The following TENM2 variants were observed in gnomAD, a reference collection of about 807,000 sequenced individuals.
The protein encoded by TENM2 is teneurin transmembrane protein 2.
A neutral mutation model predicts 245.2 loss-of-function variants in TENM2; 52 were observed. That is an observed-to-expected ratio of 0.21 (90% confidence interval 0.17 to 0.27). The LOEUF is 0.27. TENM2 is among the 10% of genes least tolerant of loss of function. TENM2 has a pLI of 1.00. For synonymous variants in TENM2, 1,363 were observed against 1,438.9 expected (o/e 0.95, Z 1.19); for missense variants, 3,046 against 3,666.8 (o/e 0.83, Z 4.37).
chr5:167,018,039 T>C, the TENM2 span, among the ~76,000 whole-genome samples: 1 of 152,298 alleles, frequency 6.6e-6, no homozygotes, highest in South Asian at 2.1e-4. Context: ...AAAATAACAT[T>C]GAATAGTCCT....
the TENM2 span, among the ~76,000 whole-genome samples, chr5:167,024,990 T>TC: frequency 1.3e-5 from 2 of 152,126 alleles, no homozygotes; most frequent in Admixed American, 6.6e-5. Context: ...AGTGCTCAAG[T>TC]CCCACCCCCA....
intron 2 of TENM2, among the ~76,000 whole-genome samples, chr5:167,693,063 C>G (rs536007715): frequency 2.0e-5 from 3 of 152,310 alleles, no homozygotes; most frequent in East Asian, 3.9e-4. Context: ...TTGCGAGAGC[C>G]TCGTATGTTT....
At chr5:167,313,248 T>C (rs1448065006) in intron 1 of TENM2, among the ~76,000 whole-genome samples, 2 of 152,160 alleles carry the variant, frequency 1.3e-5, no homozygotes, top group African/African-American at 4.8e-5. Flanking sequence ...GGCATCTATG[T>C]TCTTCAGACC....
intron 1 of TENM2, among the ~76,000 whole-genome samples, chr5:167,288,522 G>A (rs1055046304): frequency 4.1e-5 from 6 of 147,058 alleles, no homozygotes; most frequent in Non-Finnish European, 5.9e-5. Flanking sequence ...TCGCGCCACT[G>A]CACTCCAGCC....
intron 2 of TENM2, among the ~76,000 whole-genome samples, chr5:167,506,386 A>T (rs896734035): frequency 6.6e-6 from 1 of 152,216 alleles, no homozygotes; most frequent in East Asian, 1.9e-4. Context: ...TAACAGGGAG[A>T]TAACTGCTTT....
chr5:167,958,989 T>C (rs947617062), intron 4 of TENM2, among the ~76,000 whole-genome samples: 8 of 152,146 alleles, frequency 5.3e-5, no homozygotes, highest in Non-Finnish European at 4.4e-5. Flanking sequence ...AGTATCTTTT[T>C]GGTGTTTTCT....
intron 2 of TENM2, among the ~76,000 whole-genome samples, chr5:167,834,506 G>T (rs1768791101): frequency 6.6e-6 from 1 of 152,132 alleles, no homozygotes; most frequent in Non-Finnish European, 1.5e-5. Context: ...GATTTCATGT[G>T]CTTAAATATC....
the TENM2 span, among the ~76,000 whole-genome samples, chr5:167,220,071 G>T: frequency 5.1e-4 from 77 of 152,284 alleles, no homozygotes; most frequent in African/African-American, 1.7e-3. Context: ...AATGGACCAG[G>T]CCTCCGCAGT....
At chr5:168,118,089 G>A (rs142881656) in intron 9 of TENM2, among the ~76,000 whole-genome samples, 52 of 152,342 alleles carry the variant, frequency 3.4e-4, no homozygotes, top group African/African-American at 1.2e-3. Flanking sequence ...CACATAACAA[G>A]CATTTAATTG....
At chr5:167,293,724 A>G (rs1055926306) in intron 1 of TENM2, among the ~76,000 whole-genome samples, 1 of 152,172 alleles carries the variant, frequency 6.6e-6, no homozygotes. Context: ...TTCTTCTGGA[A>G]TGTTGGACAT....
chr5:167,940,357 A>G (rs963645242), intron 3 of TENM2, among the ~76,000 whole-genome samples: 3 of 152,244 alleles, frequency 2.0e-5, no homozygotes, highest in African/African-American at 7.2e-5. Context: ...AGAATAAAAT[A>G]GCATCTTTGC....
At chr5:168,184,983 C>T (rs555082193) in intron 13 of TENM2, among the ~76,000 whole-genome samples, 23 of 152,314 alleles carry the variant, frequency 1.5e-4, no homozygotes, top group African/African-American at 5.3e-4. Flanking sequence ...TGGTCCTCTG[C>T]AGCCTACAAT....
At chr5:167,370,924 A>G (rs1760378059) in intron 1 of TENM2, among the ~76,000 whole-genome samples, 1 of 152,210 alleles carries the variant, frequency 6.6e-6, no homozygotes, top group Non-Finnish European at 1.5e-5. Flanking sequence ...TGAAAACATA[A>G]TTATGCGAGA....
chr5:167,126,833 T>C, the TENM2 span, among the ~76,000 whole-genome samples: 5 of 152,294 alleles, frequency 3.3e-5, no homozygotes, highest in African/African-American at 9.6e-5. Flanking sequence ...TCCTGGGATG[T>C]TGGGCTTACT....
the TENM2 span, among the ~76,000 whole-genome samples, chr5:167,009,861 T>C: frequency 2.0e-5 from 3 of 152,214 alleles, no homozygotes; most frequent in African/African-American, 7.2e-5. Context: ...TTGCTAGTAA[T>C]GTCAGCCAGA....
At chr5:166,987,893 A>C in the TENM2 span, among the ~76,000 whole-genome samples, 1 of 152,214 alleles carries the variant, frequency 6.6e-6, no homozygotes, top group African/African-American at 2.4e-5. Context: ...TGGATGAAAA[A>C]TGTTCTCTAA....
intron 27 of TENM2, among the ~76,000 whole-genome samples, chr5:168,256,676 C>T (rs1272855096): frequency 1.3e-5 from 2 of 152,154 alleles, no homozygotes; most frequent in Non-Finnish European, 2.9e-5. Context: ...CCACCCGCCT[C>T]GGCCTCCCAA....
At chr5:168,257,116 TA>T (rs951934075) in intron 27 of TENM2, among the ~76,000 whole-genome samples, 1 of 152,156 alleles carries the variant, frequency 6.6e-6, no homozygotes, top group Non-Finnish European at 1.5e-5. Context: ...AACAGGTTTT[TA>T]AACTCCCCAT....
At chr5:167,076,969 G>T in the TENM2 span, among the ~76,000 whole-genome samples, 1 of 151,836 alleles carries the variant, frequency 6.6e-6, no homozygotes, top group African/African-American at 2.4e-5. Flanking sequence ...GCCTCCCAAG[G>T]CATGCACCAC....
Sources: gnomAD v4.1 joint callset for allele counts (sites outside exome capture counted in the v4.1 genomes callset) on GRCh38, gnomAD v4.1.1 for gene constraint, MANE v1.5 for transcripts, NCBI Gene and HGNC (gene_info 2026-07-23, HGNC 2026-07-21) for gene names.